The following SYT2 variants were observed in gnomAD, a reference collection of about 807,000 sequenced individuals.
SYT2 encodes the protein synaptotagmin-2.
A neutral mutation model predicts 39.9 loss-of-function variants in SYT2; 15 were observed. The observed-to-expected ratio is 0.38, with a 90% confidence interval of 0.25 to 0.58. The LOEUF (loss-of-function observed/expected upper bound fraction) is 0.58. Ranked by LOEUF, SYT2 falls within the 20% of genes least tolerant of loss-of-function variation. The pLI, the probability that SYT2 is intolerant of heterozygous loss-of-function variation, is 0.70. For missense variants in SYT2, 389 were observed against 530.3 expected (o/e 0.73, Z 2.62); for synonymous variants, 181 against 204.5 (o/e 0.89, Z 0.98).
chr1:202,704,617 C>T (rs1654202584), intron 1 of SYT2, among the ~76,000 whole-genome samples: 1 of 149,552 alleles, frequency 6.7e-6, no homozygotes, highest in Non-Finnish European at 1.5e-5. Context: ...ATTCTCCCTG[C>T]CTTTGCAAGG....
chr1:202,601,863 C>G lies in SYT2; in HGVS notation c.801+27G>C. On this transcript the variant is annotated intron_variant, in intron 6 of 8. Coordinates refer to ENST00000367268, the MANE Select transcript of SYT2 (RefSeq NM_177402.5). The surrounding 1 kb of genome is among the most constrained non-coding windows in gnomAD (Gnocchi z 4.0). ...CCCACCTGTACATTCGTCTTTCTGC[C>G]CAACCTGGCCTCATCTCTGCTCTTA... 2 of 1,603,908 alleles carry G rather than the reference C, an allele frequency of 1.2e-6. No individual in the cohort carries two copies. Among genetic ancestry groups the G allele is most frequent in the Non-Finnish European group, 1.7e-6 (2 of 1,174,308 alleles).
chr1:202,640,024 G>T lies in SYT2; in HGVS notation c.-17-34235C>A, dbSNP rs538188158. 3.3e-5 allele frequency among the ~76,000 whole-genome samples: 5 copies of T among 152,292 alleles called. No individual in the cohort carries two copies. The South Asian group carries it at 1.0e-3, about 32-fold the overall frequency. On this transcript the variant is annotated intron_variant, in intron 1 of 8. Coordinates refer to ENST00000367268, the MANE Select transcript of SYT2 (RefSeq NM_177402.5). The stretch of plus-strand genomic sequence containing the variant: ...CCTTTTCACAGATGAGATAATTGAG[G>T]CTCAGAGAGGTTGGTAATTTGCCTG...
chr1:202,679,420 C>T (rs1448783303), intron 1 of SYT2, among the ~76,000 whole-genome samples: 1 of 152,202 alleles, frequency 6.6e-6, no homozygotes, highest in African/African-American at 2.4e-5. Context: ...AGTCTTGCTC[C>T]TATATTTCCC....
intron 1 of SYT2, among the ~76,000 whole-genome samples, chr1:202,655,562 C>T (rs1284120104): frequency 6.6e-6 from 1 of 152,096 alleles, no homozygotes; most frequent in Non-Finnish European, 1.5e-5. Flanking sequence ...CCTACGTGAC[C>T]CTTGCAGGAG....
At chr1:202,649,358 T>C (rs1374297742) in intron 1 of SYT2, among the ~76,000 whole-genome samples, 1 of 152,180 alleles carries the variant, frequency 6.6e-6, no homozygotes, top group Non-Finnish European at 1.5e-5. Flanking sequence ...GAGATTCAAG[T>C]ATTGAGATGA....
chr1:202,628,689 A>G lies in SYT2; in HGVS notation c.-17-22900T>C, dbSNP rs1441849717. 9.2e-5 allele frequency among the ~76,000 whole-genome samples: 14 copies of G among 152,310 alleles called. No homozygotes were observed. Among genetic ancestry groups the G allele is most frequent in the African/African-American group, 4.8e-5 (2 of 41,592 alleles). ...GATGAACCATGGCCTCAAAACACCC[A>G]TGGGCTGGAGGAGGGGAGCAGTGAG... On this transcript the variant is annotated intron_variant, in intron 1 of 8. Coordinates refer to ENST00000367268, the MANE Select transcript of SYT2 (RefSeq NM_177402.5). This position sits in a 1 kb window ranked among gnomAD's most constrained non-coding sequence, Gnocchi z 4.2.
intron 2 of SYT2, 28 bp from the exon 3 acceptor site, chr1:202,604,649 C>A: frequency 6.2e-7 from 1 of 1,607,638 alleles, no homozygotes; most frequent in Non-Finnish European, 8.5e-7. Flanking sequence ...ATCCCAGGGT[C>A]AGCAGTGCCA....
chr1:202,618,887 A>G (rs1691123774), intron 1 of SYT2, among the ~76,000 whole-genome samples: 2 of 152,142 alleles, frequency 1.3e-5, no homozygotes, highest in Admixed American at 1.3e-4. Context: ...CAGAGAAAAA[A>G]AATGTAAAAA....
chr1:202,637,314 T>C (rs1558442055), intron 1 of SYT2, among the ~76,000 whole-genome samples: 1 of 152,136 alleles, frequency 6.6e-6, no homozygotes, highest in African/African-American at 2.4e-5. Context: ...ATCACACCAC[T>C]GCACTCCAGC....
intron 1 of SYT2, among the ~76,000 whole-genome samples, chr1:202,695,062 T>C (rs1450153527): frequency 6.6e-6 from 1 of 152,194 alleles, no homozygotes; most frequent in East Asian, 1.9e-4. Context: ...CATATCTACC[T>C]AAAATCCTTC....
chr1:202,626,151 G>A (rs1691398620), intron 1 of SYT2, among the ~76,000 whole-genome samples: 1 of 152,114 alleles, frequency 6.6e-6, no homozygotes, highest in Non-Finnish European at 1.5e-5. Context: ...ATAGCTACAG[G>A]CCCTGTACGT....
chr1:202,603,411 C>A (rs1690589000), intron 3 of SYT2, among the ~76,000 whole-genome samples: 1 of 152,212 alleles, frequency 6.6e-6, no homozygotes, highest in Non-Finnish European at 1.5e-5. Flanking sequence ...CCTGTGCCAA[C>A]TGCTCCATAG....
rs749788485 is a variant in SYT2, at chr1:202,599,813, C to T, written c.920-462G>A. On this transcript the variant is annotated intron_variant, in intron 7 of 8. Coordinates refer to ENST00000367268, the MANE Select transcript of SYT2 (RefSeq NM_177402.5). This position sits in a 1 kb window ranked among gnomAD's most constrained non-coding sequence, Gnocchi z 4.4. ...ACAGAGCCAGGCTGGCACTGAAACG[C>T]GCTGGTTGGAGCCCATGCCCAGGGC... 2.0e-4 allele frequency among the ~76,000 whole-genome samples: 31 copies of T among 152,356 alleles called. No individual in the cohort carries two copies. Among genetic ancestry groups the T allele is most frequent in the Admixed American group, 3.9e-4 (6 of 15,302 alleles).
At chr1:202,689,171 C>T (rs1312874925) in intron 1 of SYT2, among the ~76,000 whole-genome samples, 1 of 152,264 alleles carries the variant, frequency 6.6e-6, no homozygotes. Context: ...GTGGCTGGAC[C>T]ACTCTTAGCC....
intron 7 of SYT2, 104 bp downstream of exon 7, chr1:202,600,253 A>G: frequency 1.1e-6 from 1 of 930,516 alleles, no homozygotes; most frequent in South Asian, 1.5e-5. Context: ...TCTCAGTCCC[A>G]GGGCAGCAAA....
rs1444434065 is a variant in SYT2 at position 202,601,822 on chromosome 1, T to A, written c.801+68A>T. 4 of 1,527,000 alleles carry A rather than the reference T, an allele frequency of 2.6e-6. No homozygotes were observed. Among genetic ancestry groups the A allele is most frequent in the Non-Finnish European group, 3.6e-6 (4 of 1,121,476 alleles). The allele number at this position is 1,527,000 out of a possible 1,614,324, so 94.6% of individuals were successfully genotyped here. On this transcript the variant is annotated intron_variant, in intron 6 of 8. Coordinates refer to ENST00000367268, the MANE Select transcript of SYT2 (RefSeq NM_177402.5). This position sits in a 1 kb window ranked among gnomAD's most constrained non-coding sequence, Gnocchi z 4.0. ...TCCAAAGCCCACCCTGTTTCCATCA[T>A]GCCAAGAGGTGGAAGCCCACCTGTA... is the stretch of plus-strand genomic sequence containing the variant.
At chr1:202,626,058 G>A (rs1024280615) in intron 1 of SYT2, among the ~76,000 whole-genome samples, 8 of 152,184 alleles carry the variant, frequency 5.3e-5, no homozygotes, top group Non-Finnish European at 1.0e-4. Context: ...GCATTACACT[G>A]CCATATGTAG....
chr1:202,632,455 G>A, intron 1 of SYT2: 1 of 695,966 alleles, frequency 1.4e-6, no homozygotes, highest in South Asian at 6.4e-5. Flanking sequence ...GCAAACCTGG[G>A]AGAAACTGAC....
At chr1:202,617,339 G>T (rs1691073054) in intron 1 of SYT2, among the ~76,000 whole-genome samples, 1 of 152,102 alleles carries the variant, frequency 6.6e-6, no homozygotes, top group Non-Finnish European at 1.5e-5. Context: ...GAGTTCTCAT[G>T]AGACTGGTCA....
Sources: gnomAD v4.1 joint callset for allele counts (sites outside exome capture counted in the v4.1 genomes callset) on GRCh38, gnomAD v4.1.1 for gene constraint, Gnocchi (gnomAD v3.1) non-coding constraint, MANE v1.5 for transcripts, NCBI Gene and HGNC (gene_info 2026-07-23, HGNC 2026-07-21) for gene names.